The following PLCG2 variants were observed in gnomAD, a reference collection of about 807,000 sequenced individuals.
The protein encoded by PLCG2 is phospholipase C gamma 2.
Under a neutral mutation model 175.6 loss-of-function variants are expected in PLCG2, and 69 were observed. The ratio of observed to expected loss-of-function variants is 0.39; its 90% CI spans 0.32 to 0.48. PLCG2 has a LOEUF of 0.48. PLCG2 is among the 20% of genes least tolerant of loss of function. The pLI is 0.91. For missense variants in PLCG2, 1,798 were observed against 1,650.9 expected, an observed-to-expected ratio of 1.09 and a Z score of -1.54; for synonymous variants, 827 against 624.0, an observed-to-expected ratio of 1.33 and a Z score of -4.85.
chr16:81,787,309 C>G lies in PLCG2; in HGVS notation c.193+1127C>G, dbSNP rs561710609. ...TGATCATGGCTCACTGCAGCCTCAG[C>G]CCCCTGGGCTCAAGTGATCTTCCTG... On this transcript the variant is annotated intron_variant, in intron 2 of 32. Coordinates refer to ENST00000564138, the MANE Select transcript of PLCG2 (RefSeq NM_002661.5). Among the ~76,000 whole-genome samples, 171 of 152,086 alleles carry G rather than the reference C, an allele frequency of 1.1e-3. 1 individual carries two copies. The highest frequency in any genetic ancestry group is 2.0e-3 in the Admixed American group (31 of 15,270).
In PLCG2 at chr16:81,927,062, T is replaced by C. The variant is rs1354844073; in HGVS notation, c.2418-20T>C. The C allele has an allele frequency of 6.4e-7, 1 of 1,551,814 alleles. No homozygotes were observed. On this transcript the variant is annotated intron_variant, in intron 22 of 32. Coordinates refer to ENST00000564138, the MANE Select transcript of PLCG2 (RefSeq NM_002661.5). The stretch of plus-strand genomic sequence containing the variant: ...ATGCCACCTGGTGACAGCGCCCCCA[T>C]GTCCTCTCTTCTTATCCAGGTGGAA...
intron 19 of PLCG2, among the ~76,000 whole-genome samples, chr16:81,913,353 G>T (rs1192567364): frequency 1.3e-5 from 2 of 152,222 alleles, no homozygotes; most frequent in Non-Finnish European, 2.9e-5. Context: ...ACACTGGACT[G>T]CCTTCAAGGC....
chr16:81,785,003 G>A (rs923765207), intron 1 of PLCG2, among the ~76,000 whole-genome samples: 2 of 152,168 alleles, frequency 1.3e-5, no homozygotes, highest in Middle Eastern at 3.2e-3. Context: ...TGTTCTAAAA[G>A]GATCCTTCTG....
chr16:81,927,656 G>A (rs1489368597), intron 23 of PLCG2, among the ~76,000 whole-genome samples: 2 of 152,144 alleles, frequency 1.3e-5, no homozygotes, highest in Non-Finnish European at 2.9e-5. Flanking sequence ...CAGCGTGCTA[G>A]CACTCCACCA....
At chr16:81,833,323 G>A (rs901931024) in intron 2 of PLCG2, among the ~76,000 whole-genome samples, 2 of 152,146 alleles carry the variant, frequency 1.3e-5, no homozygotes, top group South Asian at 2.1e-4. Context: ...GCCTTCTTTC[G>A]CAATCTGTCC....
intron 1 of PLCG2, among the ~76,000 whole-genome samples, chr16:81,742,887 C>T (rs1038493465): frequency 6.6e-6 from 1 of 152,220 alleles, no homozygotes; most frequent in Non-Finnish European, 1.5e-5. Context: ...CTTGTTCTTC[C>T]AGACGTGTGA....
rs78439640 is a variant in PLCG2 at position 81,960,020 on chromosome 16, G to T, written c.*2022G>T. The T allele has an allele frequency of 2.8e-5, 6 of 216,114 alleles. No homozygotes were observed. The highest frequency in any genetic ancestry group is 1.4e-4 in the African/African-American group (6 of 44,344). 13.4% of individuals were successfully genotyped at this position (216,114 alleles called of 1,614,324 possible). On this transcript the variant is annotated 3_prime_UTR_variant, in exon 33 of 33. Coordinates refer to ENST00000564138, the MANE Select transcript of PLCG2 (RefSeq NM_002661.5). ...GAAGCTAAGCCTCTCTCCAGCTGCT[G>T]CTGTGTAAAATCCATGCGTGGCCAA... is the stretch of plus-strand genomic sequence containing the variant.
intron 26 of PLCG2, chr16:81,935,675 G>C: frequency 2.0e-6 from 2 of 985,358 alleles, no homozygotes; most frequent in Non-Finnish European, 2.4e-6. Flanking sequence ...GGATGGGAGA[G>C]AAGATGAGGC....
chr16:81,908,327 C>A, intron 16 of PLCG2, 89 bp from the exon 17 acceptor site: 1 of 1,248,692 alleles, frequency 8.0e-7, no homozygotes, highest in East Asian at 2.4e-5. Context: ...ATCTGGTACC[C>A]TGGGTCAGGG....
intron 2 of PLCG2, among the ~76,000 whole-genome samples, chr16:81,846,424 C>T (rs149402904): frequency 1.4e-4 from 21 of 152,358 alleles, no homozygotes; most frequent in African/African-American, 5.0e-4. Context: ...GCAAGAATTC[C>T]TGACTCAGGC....
At chr16:81,773,489 A>G (rs1404982205) in intron 2 of PLCG2, among the ~76,000 whole-genome samples, 1 of 152,124 alleles carries the variant, frequency 6.6e-6, no homozygotes, top group Non-Finnish European at 1.5e-5. Flanking sequence ...CAGAGCTGGG[A>G]TTCACACTGA....
intron 2 of PLCG2, among the ~76,000 whole-genome samples, chr16:81,769,443 G>A (rs1265089834): frequency 2.0e-5 from 3 of 152,146 alleles, no homozygotes; most frequent in Non-Finnish European, 4.4e-5. Flanking sequence ...AATAACTCCC[G>A]GCGCATCTCA....
chr16:81,908,926 G>A (rs1909498144), intron 17 of PLCG2, among the ~76,000 whole-genome samples: 1 of 152,196 alleles, frequency 6.6e-6, no homozygotes, highest in Non-Finnish European at 1.5e-5. Context: ...CCCGATCCCA[G>A]CCCTGGAGTG....
intron 15 of PLCG2, chr16:81,906,430 C>T (rs542600966): frequency 8.5e-5 from 13 of 152,190 alleles, no homozygotes; most frequent in African/African-American, 2.4e-4. Context: ...TTATTTATTA[C>T]TTATTTATTT....
intron 31 of PLCG2, among the ~76,000 whole-genome samples, chr16:81,950,036 G>T (rs1257554082): frequency 6.6e-6 from 1 of 152,152 alleles, no homozygotes; most frequent in African/African-American, 2.4e-5. Context: ...AGGAAAAAAG[G>T]AGATCAACAT....
intron 1 of PLCG2, among the ~76,000 whole-genome samples, chr16:81,750,056 A>G (rs1002279308): frequency 6.6e-6 from 1 of 152,198 alleles, no homozygotes; most frequent in African/African-American, 2.4e-5. Context: ...GAAAAAAAAA[A>G]AGTTAAAAAC....
intron 2 of PLCG2, among the ~76,000 whole-genome samples, chr16:81,845,306 T>C (rs1278698471): frequency 1.3e-5 from 2 of 152,216 alleles, no homozygotes; most frequent in South Asian, 2.1e-4. Context: ...ACAGAGAAGC[T>C]TCTACATCTT....
intron 24 of PLCG2, among the ~76,000 whole-genome samples, chr16:81,929,641 C>G (rs1187208691): frequency 6.6e-6 from 1 of 152,258 alleles, no homozygotes; most frequent in Non-Finnish European, 1.5e-5. Context: ...AGTGATCTGC[C>G]TGCCTTAGCC....
chr16:81,919,489 G>C lies in PLCG2; in HGVS notation c.2060G>C (p.Arg687Thr), dbSNP rs770193044. 1 of 1,613,218 alleles carries C rather than the reference G, an allele frequency of 6.2e-7. No homozygotes were observed. The highest frequency in any genetic ancestry group is 8.5e-7 in the Non-Finnish European group (1 of 1,179,446). The change falls in exon 20 of 33, where the codon AGG becomes ACG. Residue 687 changes from arginine (R) to threonine (T), a missense_variant. Physicochemically the swap from Arg to Thr is moderately conservative, Grantham distance 71. Coordinates refer to ENST00000564138, the MANE Select transcript of PLCG2 (RefSeq NM_002661.5). ...CTGTGTTCTTCCTGCTCCAGGGCTA[G>C]GGGCAAGGTAAAGCATTGTCGCATC... ...SDSYAITFRARGKVKHCRINR... is the reference protein window; with the variant it reads ...SDSYAITFRATGKVKHCRINR...
Sources: gnomAD v4.1 joint callset for allele counts (sites outside exome capture counted in the v4.1 genomes callset) on GRCh38, gnomAD v4.1.1 for gene constraint, MANE v1.5 for transcripts, NCBI Gene and HGNC (gene_info 2026-07-23, HGNC 2026-07-21) for gene names.